Variants in MAGI3 observed in about 807,000 individuals in gnomAD.
The protein encoded by MAGI3 is membrane-associated guanylate kinase, WW and PDZ domain-containing protein 3.
A neutral mutation model predicts 121.8 loss-of-function variants in MAGI3; 43 were observed. The observed-to-expected ratio is 0.35, with a 90% confidence interval of 0.28 to 0.46. MAGI3 has a LOEUF of 0.46. Ranked by LOEUF, MAGI3 falls within the 20% of genes least tolerant of loss-of-function variation. The pLI, the probability that MAGI3 is intolerant of heterozygous loss-of-function variation, is 1.00. For missense variants in MAGI3, 1,547 were observed against 1,797.3 expected (o/e 0.86, Z 2.52); for synonymous variants, 553 against 639.3 (o/e 0.86, Z 2.04).
At chr1:113,635,817 G>A (rs1376223430) in intron 9 of MAGI3, among the ~76,000 whole-genome samples, 2 of 151,318 alleles carry the variant, frequency 1.3e-5, no homozygotes, top group East Asian at 1.9e-4. Flanking sequence ...GTTCCTCCTT[G>A]TACCTCTGGT....
At chr1:113,533,288 C>T (rs1327593923) in intron 1 of MAGI3, among the ~76,000 whole-genome samples, 1 of 152,202 alleles carries the variant, frequency 6.6e-6, no homozygotes, top group Non-Finnish European at 1.5e-5. Flanking sequence ...TTTGCAGCAA[C>T]TTCAGTGCAG....
chr1:113,667,757 G>A (rs1169945471), intron 16 of MAGI3, among the ~76,000 whole-genome samples: 2 of 152,138 alleles, frequency 1.3e-5, no homozygotes, highest in East Asian at 1.9e-4. Context: ...AGCTTTTGAC[G>A]TAAAGTGAGA....
chr1:113,539,659 C>G (rs1336049563), intron 1 of MAGI3, among the ~76,000 whole-genome samples: 1 of 151,970 alleles, frequency 6.6e-6, no homozygotes, highest in Non-Finnish European at 1.5e-5. Flanking sequence ...CGTCATCTAG[C>G]ATTAGGTATT....
intron 2 of MAGI3, among the ~76,000 whole-genome samples, chr1:113,573,577 C>T (rs373554807): frequency 9.2e-5 from 14 of 152,122 alleles, no homozygotes; most frequent in East Asian, 5.8e-4. Context: ...TTATGATTTC[C>T]GTTCTTTTGC....
At chr1:113,442,480 A>T (rs1443579095) in intron 1 of MAGI3, among the ~76,000 whole-genome samples, 1 of 152,064 alleles carries the variant, frequency 6.6e-6, no homozygotes, top group Non-Finnish European at 1.5e-5. Flanking sequence ...TTTATTGTGG[A>T]TAAGTCATAC....
chr1:113,491,429 AG>A (rs1656660907), intron 1 of MAGI3, among the ~76,000 whole-genome samples: 2 of 152,228 alleles, frequency 1.3e-5, no homozygotes, highest in Non-Finnish European at 2.9e-5. Context: ...AAAGTTGGAA[AG>A]GTCTCAGCTT....
In MAGI3 at chr1:113,653,575, G is replaced by GA. The variant is rs921750189; in HGVS notation, c.2441-244dup. ...TGACAGAGCAAGACGCCATCTCGGG[G>GA]AAAAAAAAAAATGAGATAACATGAG... is the stretch of plus-strand genomic sequence containing the variant. On this transcript the variant is annotated intron_variant, in intron 14 of 20. Transcript: ENST00000307546. Among the ~76,000 whole-genome samples, 925 of 145,502 alleles carry GA rather than the reference G, an allele frequency of 6.4e-3. 6 individuals are homozygous for GA. The highest frequency in any genetic ancestry group is 0.021 in the African/African-American group (846 of 39,850).
At chr1:113,650,112 A>C (rs1038007725) in intron 13 of MAGI3, among the ~76,000 whole-genome samples, 2 of 152,142 alleles carry the variant, frequency 1.3e-5, no homozygotes, top group African/African-American at 2.4e-5. Context: ...ATCTTTAAAA[A>C]TTACAGGCTT....
rs182585336 is a variant in MAGI3, at chr1:113,425,322, G to A, written c.316+33973G>A. Among the ~76,000 whole-genome samples the A allele has an allele frequency of 8.0e-3, 878 of 109,880 alleles. 13 individuals carry two copies. The highest frequency in any genetic ancestry group is 0.029 in the African/African-American group (814 of 27,966). 72.1% of individuals were successfully genotyped at this position (109,880 alleles called of 152,430 possible). A position where few individuals can be genotyped will look rare whatever the true frequency, so the allele number is the denominator to read the frequency against. On this transcript the variant is annotated intron_variant, in intron 1 of 20. Coordinates refer to ENST00000307546, the MANE Select transcript of MAGI3 (RefSeq NM_001142782.2). ...TTTTGAGACGGAGCCTTGCTCTGTC[G>A]CCCAGGCTAGAGTGCAGTGGCGCGA... is the stretch of plus-strand genomic sequence containing the variant.
rs142155658 is a variant in MAGI3, at chr1:113,480,393, G to A, written c.317-69122G>A. On this transcript the variant is annotated intron_variant, in intron 1 of 20. Transcript: ENST00000307546. ...TTCTACAGTTAAGGGCTGTCTGGCC[G>A]AGTGCCTGGGTCCACAGGGGCAGGC... Among the ~76,000 whole-genome samples the A allele has an allele frequency of 1.5e-4, 23 of 152,252 alleles. No individual in the cohort carries two copies. The East Asian group carries it at 3.1e-3, about 20-fold the overall frequency.
chr1:113,671,940 G>A, intron 17 of MAGI3, 104 bp downstream of exon 17: 2 of 1,010,118 alleles, frequency 2.0e-6, no homozygotes, highest in South Asian at 3.0e-5. Context: ...ATGCAGTAAT[G>A]CAGATGCCAG....
At chr1:113,486,151 T>C (rs1473131513) in intron 1 of MAGI3, among the ~76,000 whole-genome samples, 1 of 152,196 alleles carries the variant, frequency 6.6e-6, no homozygotes, top group African/African-American at 2.4e-5. Flanking sequence ...ATGCGGGCTC[T>C]TTTTTGGTTC....
At chr1:113,457,847 T>G (rs1365264650) in intron 1 of MAGI3, among the ~76,000 whole-genome samples, 4 of 152,152 alleles carry the variant, frequency 2.6e-5, no homozygotes, top group Admixed American at 2.6e-4. Context: ...GACATTTGAA[T>G]TGAGTCATGA....
chr1:113,572,239 G>A (rs1020068943), intron 2 of MAGI3, among the ~76,000 whole-genome samples: 1 of 152,208 alleles, frequency 6.6e-6, no homozygotes, highest in African/African-American at 2.4e-5. Context: ...TCCCAGGCAT[G>A]AAGCCAACTG....
At chr1:113,623,116 C>G in intron 9 of MAGI3, 122 bp downstream of exon 9, 1 of 689,968 alleles carries the variant, frequency 1.4e-6, no homozygotes, top group Non-Finnish European at 2.1e-6. Context: ...AAAGAGATTC[C>G]AGTATTAAAA....
At chr1:113,523,888 C>G (rs986696974) in intron 1 of MAGI3, among the ~76,000 whole-genome samples, 1 of 152,112 alleles carries the variant, frequency 6.6e-6, no homozygotes, top group Admixed American at 6.5e-5. Context: ...TTGCGGCAGC[C>G]CCTTCCATCA....
At chr1:113,682,527 C>G (rs1648283684) in intron 20 of MAGI3, 2 of 1,272,492 alleles carry the variant, frequency 1.6e-6, no homozygotes, top group Non-Finnish European at 2.0e-6. Context: ...ATATCCTAAA[C>G]TGTATCAATT....
At chr1:113,682,493 C>G in intron 20 of MAGI3, 1 of 1,319,554 alleles carries the variant, frequency 7.6e-7, no homozygotes, top group Non-Finnish European at 9.6e-7. Context: ...AGTTTGGTTT[C>G]CTTTATTAAT....
At chr1:113,633,776 G>T (rs1303259984) in intron 9 of MAGI3, among the ~76,000 whole-genome samples, 1 of 152,028 alleles carries the variant, frequency 6.6e-6, no homozygotes, top group Non-Finnish European at 1.5e-5. Context: ...GGGTCAAATG[G>T]TATTTCTAGT....
Sources: gnomAD v4.1 joint callset for allele counts (sites outside exome capture counted in the v4.1 genomes callset) on GRCh38, gnomAD v4.1.1 for gene constraint, MANE v1.5 for transcripts, NCBI Gene and HGNC (gene_info 2026-07-23, HGNC 2026-07-21) for gene names.